The following PTPRK variants were observed in gnomAD, a reference collection of about 807,000 sequenced individuals.
PTPRK encodes receptor-type tyrosine-protein phosphatase kappa.
Under a neutral mutation model 178.0 loss-of-function variants are expected in PTPRK, and 75 were observed. The ratio of observed to expected loss-of-function variants is 0.42; its 90% confidence interval spans 0.35 to 0.51. The LOEUF is 0.51. Among genes scored for constraint, PTPRK ranks in the 20% least tolerant of loss-of-function variants. PTPRK has a pLI of 0.02. For synonymous variants in PTPRK, 637 were observed against 620.6 expected, an observed-to-expected ratio of 1.03 and a Z score of -0.39; for missense variants, 1,441 against 1,797.8, an observed-to-expected ratio of 0.80 and a Z score of 3.59.
intron 3 of PTPRK, among the ~76,000 whole-genome samples, chr6:128,256,015 C>T (rs1302518922): frequency 6.6e-6 from 1 of 152,080 alleles, no homozygotes; most frequent in African/African-American, 2.4e-5. Context: ...AAAATTTGAA[C>T]AATTAGCCAT....
intron 9 of PTPRK, 47 bp downstream of exon 9, chr6:128,083,668 T>C: frequency 3.4e-6 from 4 of 1,174,964 alleles, no homozygotes; most frequent in Non-Finnish European, 4.9e-6. Context: ...TTCTTCCTTT[T>C]AGTCCTTCAA....
chr6:128,032,924 A>G (rs1266454220), intron 13 of PTPRK, among the ~76,000 whole-genome samples: 1 of 152,126 alleles, frequency 6.6e-6, no homozygotes, highest in Non-Finnish European at 1.5e-5. Context: ...TTCTTGAATG[A>G]CAGATATTTT....
intron 13 of PTPRK, among the ~76,000 whole-genome samples, chr6:128,064,275 A>G (rs1781375817): frequency 6.6e-6 from 1 of 152,182 alleles, no homozygotes; most frequent in African/African-American, 2.4e-5. Flanking sequence ...GTTTCTCAGA[A>G]TAAGTTTTAA....
chr6:128,158,574 C>A (rs901614752), intron 7 of PTPRK, among the ~76,000 whole-genome samples: 2 of 151,834 alleles, frequency 1.3e-5, no homozygotes, highest in Non-Finnish European at 2.9e-5. Flanking sequence ...ACGTTTGGTT[C>A]ATCCACAATA....
Position 128,515,861 on chromosome 6 carries a change from T to C in PTPRK, c.100+4398A>G, listed in dbSNP as rs142514818. On this transcript the variant is annotated intron_variant, in intron 1 of 29. Transcript: ENST00000368226. ...GAGCAGCACAGATCCCTATTTAGCA[T>C]GATGTTCACTGTCTTTAATACCAGT... Among the ~76,000 whole-genome samples, 514 of 152,328 alleles carry C rather than the reference T, an allele frequency of 3.4e-3. 4 individuals are homozygous for C. Among genetic ancestry groups the C allele is most frequent in the African/African-American group, 0.011 (476 of 41,562 alleles).
intron 5 of PTPRK, among the ~76,000 whole-genome samples, chr6:128,227,811 C>A (rs141135180): frequency 5.3e-5 from 8 of 152,006 alleles, no homozygotes; most frequent in African/African-American, 1.9e-4. Context: ...ACTTAAACAA[C>A]AAAACTCAGA....
In PTPRK at chr6:128,067,644, T is replaced by C. The variant is rs771511753; in HGVS notation, c.2032A>G (p.Asn678Asp). The change falls in exon 12 of 30, where the codon AAC (asparagine) becomes GAC (aspartate). Residue 678 changes from asparagine to aspartate, a missense_variant. Asn to Asp is a conservative substitution (Grantham distance 23). This residue lies in a region of PTPRK where 945 missense variants were observed against 1,080.6 expected (regional missense o/e 0.87). Transcript: ENST00000368226. ...GTGAACGGGGCAGGCTCAGGTAGGT[T>C]TCCCGGGGGGAGTTCTGCAGCAAAG... ...YYFAAELPPG[N>D]LPEPAPFTVG... 3.1e-6 allele frequency: 5 copies of C among 1,613,778 alleles called. No individual in the cohort carries two copies. Among genetic ancestry groups the C allele is most frequent in the Non-Finnish European group, 3.4e-6 (4 of 1,179,780 alleles).
At chr6:128,304,743 C>T (rs964685541) in intron 3 of PTPRK, among the ~76,000 whole-genome samples, 9 of 152,210 alleles carry the variant, frequency 5.9e-5, no homozygotes, top group African/African-American at 1.7e-4. Flanking sequence ...CAGTAGAACG[C>T]TAAATTCCCA....
chr6:128,508,016 T>A (rs1379807317), intron 1 of PTPRK, among the ~76,000 whole-genome samples: 1 of 152,142 alleles, frequency 6.6e-6, no homozygotes, highest in Non-Finnish European at 1.5e-5. Context: ...ATGGAAAGAC[T>A]ACTGATAGAC....
At chr6:128,263,268 T>C (rs150165590) in intron 3 of PTPRK, among the ~76,000 whole-genome samples, 2 of 152,306 alleles carry the variant, frequency 1.3e-5, no homozygotes, top group East Asian at 1.9e-4. Context: ...TTTCTCATTA[T>C]AGAGACTATT....
chr6:127,992,497 A>G (rs529387048), intron 19 of PTPRK, among the ~76,000 whole-genome samples, 176 bp downstream of exon 19: 63 of 151,922 alleles, frequency 4.1e-4, no homozygotes, highest in Admixed American at 8.5e-4. Flanking sequence ...GCTTAAATTT[A>G]TATAAGCTTT....
intron 1 of PTPRK, among the ~76,000 whole-genome samples, chr6:128,493,503 A>C (rs992883294): frequency 1.3e-5 from 2 of 149,278 alleles, no homozygotes; most frequent in African/African-American, 4.9e-5. Flanking sequence ...CAGAGCTTGC[A>C]GTGAGCCGAG....
At chr6:128,245,379 C>T (rs970058692) in intron 3 of PTPRK, among the ~76,000 whole-genome samples, 1 of 152,128 alleles carries the variant, frequency 6.6e-6, no homozygotes, top group Non-Finnish European at 1.5e-5. Context: ...TTTTAACTAG[C>T]ACACTGACTA....
intron 2 of PTPRK, among the ~76,000 whole-genome samples, chr6:128,337,107 T>C (rs1043479840): frequency 1.1e-4 from 16 of 152,294 alleles, no homozygotes; most frequent in African/African-American, 3.8e-4. Flanking sequence ...TTTTCTCCCC[T>C]AAGAACCTTT....
At chr6:128,172,915 T>C (rs905165734) in intron 7 of PTPRK, among the ~76,000 whole-genome samples, 3 of 151,836 alleles carry the variant, frequency 2.0e-5, no homozygotes, top group African/African-American at 7.3e-5. Flanking sequence ...GGCCATATGC[T>C]CAGGTCCTTC....
chr6:128,326,687 A>C (rs1437318443), intron 2 of PTPRK, among the ~76,000 whole-genome samples: 2 of 152,172 alleles, frequency 1.3e-5, no homozygotes, highest in African/African-American at 2.4e-5. Context: ...ACACACATAC[A>C]CTTGTACATA....
intron 7 of PTPRK, among the ~76,000 whole-genome samples, chr6:128,109,762 A>G (rs951551469): frequency 1.3e-5 from 2 of 152,192 alleles, no homozygotes; most frequent in African/African-American, 4.8e-5. Context: ...TCTGTAGTAA[A>G]GCAAACAACT....
intron 11 of PTPRK, among the ~76,000 whole-genome samples, chr6:128,070,744 A>G (rs1227224623): frequency 6.6e-6 from 1 of 151,740 alleles, no homozygotes; most frequent in African/African-American, 2.4e-5. Context: ...TTAATCCCAA[A>G]TATGTTTAAC....
chr6:128,446,950 T>C (rs550438927), intron 1 of PTPRK, among the ~76,000 whole-genome samples: 2 of 152,292 alleles, frequency 1.3e-5, no homozygotes, highest in Admixed American at 6.5e-5. Context: ...TTCTACTGCA[T>C]AGTTACTTAA....
Sources: gnomAD v4.1 joint callset for allele counts (sites outside exome capture counted in the v4.1 genomes callset) on GRCh38, gnomAD v4.1.1 for gene constraint, gnomAD v4.1.1 regional missense constraint, MANE v1.5 for transcripts, NCBI Gene and HGNC (gene_info 2026-07-23, HGNC 2026-07-21) for gene names.